The following P2RY14 variants were observed in gnomAD, a reference collection of about 807,000 sequenced individuals.
P2RY14 encodes purinergic receptor P2Y14, also known as P2Y purinoceptor 14.
P2RY14 carries 2 observed loss-of-function variants against 0.9 expected under a neutral mutation model. That is an observed-to-expected ratio of 2.16 (90% CI 0.88 to 6.79). P2RY14 has a LOEUF of 6.79. Among genes scored for constraint, P2RY14 ranks in the 30% most tolerant of loss-of-function variants. The pLI, the probability that P2RY14 is intolerant of heterozygous loss-of-function variation, is 0.05. For missense variants in P2RY14, 378 were observed against 400.1 expected (o/e 0.94, Z 0.47); for synonymous variants, 158 against 147.2 (o/e 1.07, Z -0.53).
chr3:151,271,891 G>A (rs1231913080), intron 1 of P2RY14, among the ~76,000 whole-genome samples: 2 of 152,164 alleles, frequency 1.3e-5, no homozygotes, highest in African/African-American at 2.4e-5. Flanking sequence ...TGAAATTTTT[G>A]TGATGGAAAT....
intron 1 of P2RY14, among the ~76,000 whole-genome samples, chr3:151,263,260 C>T (rs1739235436): frequency 1.3e-5 from 2 of 152,136 alleles, no homozygotes; most frequent in Non-Finnish European, 2.9e-5. Context: ...GTCATCAGCA[C>T]GTGAAACTGC....
chr3:151,214,161 G>A lies in P2RY14; in HGVS notation c.156C>T (p.Ser52=), dbSNP rs192199993. ...TGAGATAGATGATGAAACTCTTAGA[G>A]CTGGGCACGTAAAAGAATATCCATC... ...VSGWIFFYVP[S]SKSFIIYLKN... is the part of the protein sequence containing the mutation. Residue 52 remains serine (S), a synonymous_variant, in exon 3 of 3, where the codon AGC becomes AGT. Transcript: ENST00000309170. The A allele has an allele frequency of 1.7e-5, 27 of 1,614,118 alleles. No homozygotes were observed. The Admixed American group carries it at 3.7e-4, about 22-fold the overall frequency.
Position 151,253,483 on chromosome 3 carries a change from C to G in P2RY14, c.-133+24804G>C, listed in dbSNP as rs944691397. 3.3e-5 allele frequency among the ~76,000 whole-genome samples: 5 copies of G among 152,322 alleles called. No individual in the cohort carries two copies. The South Asian group carries it at 8.3e-4, about 25-fold the overall frequency. The stretch of plus-strand genomic sequence containing the variant: ...CCGTTTCCTAAGCCTGGCATGGGCC[C>G]TCTTAAATTTCAACTTTAGTGGAGC... On this transcript the variant is annotated intron_variant, in intron 1 of 2. Coordinates refer to ENST00000309170, the MANE Select transcript of P2RY14 (RefSeq NM_014879.4).
chr3:151,213,116 TG>T lies in P2RY14; in HGVS notation c.*183del. The T allele has an allele frequency of 2.1e-6, 1 of 485,286 alleles. No individual in the cohort carries two copies. Among genetic ancestry groups the T allele is most frequent in the Non-Finnish European group, 3.6e-6 (1 of 277,938 alleles). 30.1% of individuals were successfully genotyped at this position (485,286 alleles called of 1,614,324 possible). ...AGGTCAGTATTAGAGAAATTACTGA[TG>T]GGTATGTTTTCTTTGATGTTACAAA... is the stretch of plus-strand genomic sequence containing the variant. On this transcript the variant is annotated 3_prime_UTR_variant, in exon 3 of 3. Transcript: ENST00000309170.
intron 1 of P2RY14, among the ~76,000 whole-genome samples, chr3:151,243,464 A>T (rs1330325478): frequency 2.0e-5 from 3 of 152,198 alleles, no homozygotes; most frequent in Non-Finnish European, 4.4e-5. Flanking sequence ...CCAATATTCA[A>T]CATTCTTAAA....
chr3:151,238,217 G>T (rs1488043539), intron 1 of P2RY14, among the ~76,000 whole-genome samples: 1 of 151,908 alleles, frequency 6.6e-6, no homozygotes, highest in African/African-American at 2.4e-5. Context: ...CACTATCTTG[G>T]CTCACTGCAT....
At position 151,213,775 on chromosome 3, in the gene P2RY14, C is replaced by G; in HGVS notation, c.542G>C (p.Arg181Pro). The G allele has an allele frequency of 6.2e-7, 1 of 1,614,134 alleles. No individual in the cohort carries two copies. Among genetic ancestry groups the G allele is most frequent in the Non-Finnish European group, 8.5e-7 (1 of 1,180,010 alleles). Residue 181 changes from arginine to proline, a missense_variant, in exon 3 of 3, where the codon CGG becomes CCG. Transcript: ENST00000309170. ...GTAGTTTGATGCTTTGTGCCACTTC[C>G]GTCCCAGTTCACTTTTCAGTTCTAT... Reference protein sequence around the residue: ...KCIELKSELGRKWHKASNYIF... With the variant: ...KCIELKSELGPKWHKASNYIF...
chr3:151,234,850 T>C (rs542656352), intron 1 of P2RY14, among the ~76,000 whole-genome samples: 3 of 152,298 alleles, frequency 2.0e-5, no homozygotes, highest in East Asian at 3.9e-4. Context: ...TCACCATCAC[T>C]CTCCTGGTGG....
chr3:151,240,580 A>G lies in P2RY14; in HGVS notation c.-132-20938T>C, dbSNP rs183695838. Reference sequence around the variant, plus strand: ...AAAACAAAACAAAAGGTGTAGCTCAAGATCATGGCAGATTCAAATCTAGTT... The same window carrying G: ...AAAACAAAACAAAAGGTGTAGCTCAGGATCATGGCAGATTCAAATCTAGTT... On this transcript the variant is annotated intron_variant, in intron 1 of 2. Coordinates refer to ENST00000309170, the MANE Select transcript of P2RY14 (RefSeq NM_014879.4). Among the ~76,000 whole-genome samples the G allele has an allele frequency of 1.1e-4, 17 of 152,360 alleles. No individual in the cohort carries two copies. In the East Asian group the frequency reaches 3.1e-3, roughly 28 times the overall value.
At chr3:151,244,710 A>G (rs1559929205) in intron 1 of P2RY14, among the ~76,000 whole-genome samples, 1 of 151,724 alleles carries the variant, frequency 6.6e-6, no homozygotes, top group Admixed American at 6.6e-5. Flanking sequence ...TAAAAGAACT[A>G]GAAAAGCAAG....
intron 1 of P2RY14, among the ~76,000 whole-genome samples, chr3:151,247,079 G>T (rs997429734): frequency 2.0e-5 from 3 of 152,196 alleles, no homozygotes; most frequent in Non-Finnish European, 2.9e-5. Flanking sequence ...TCTCACACCA[G>T]TTAGATTGGC....
chr3:151,249,694 G>A (rs988686486), intron 1 of P2RY14, among the ~76,000 whole-genome samples: 2 of 152,014 alleles, frequency 1.3e-5, no homozygotes, highest in African/African-American at 2.4e-5. Context: ...ATCATTCTTC[G>A]TATTACTCCT....
At chr3:151,238,978 T>A (rs1445090343) in intron 1 of P2RY14, among the ~76,000 whole-genome samples, 1 of 152,176 alleles carries the variant, frequency 6.6e-6, no homozygotes, top group African/African-American at 2.4e-5. Context: ...CTGAATGAAC[T>A]GAGAGACAAT....
At chr3:151,247,683 G>T (rs1198805145) in intron 1 of P2RY14, among the ~76,000 whole-genome samples, 1 of 147,066 alleles carries the variant, frequency 6.8e-6, no homozygotes, top group African/African-American at 2.5e-5. Context: ...AGTGGGTGCA[G>T]TGCACCAGCA....
chr3:151,230,081 C>T (rs368932754), intron 1 of P2RY14, among the ~76,000 whole-genome samples: 8 of 151,670 alleles, frequency 5.3e-5, no homozygotes, highest in South Asian at 2.1e-4. Flanking sequence ...GCCATTCTCC[C>T]GCCTCTGCCT....
At chr3:151,264,717 A>G (rs1223532843) in intron 1 of P2RY14, among the ~76,000 whole-genome samples, 1 of 152,188 alleles carries the variant, frequency 6.6e-6, no homozygotes, top group East Asian at 1.9e-4. Context: ...AAGGAGCTCT[A>G]AAAACACAAA....
chr3:151,235,487 T>C (rs1339406190), intron 1 of P2RY14, among the ~76,000 whole-genome samples: 2 of 152,082 alleles, frequency 1.3e-5, no homozygotes, highest in East Asian at 3.9e-4. Context: ...GGGCAGATCA[T>C]GAGGTCAGGA....
At chr3:151,269,490 A>T (rs765814858) in intron 1 of P2RY14, 5 of 290,898 alleles carry the variant, frequency 1.7e-5, no homozygotes, top group Admixed American at 4.5e-5. Context: ...GTGAAAGCAG[A>T]ACAGAAGTAT....
rs550268827 is a variant in P2RY14 at position 151,250,692 on chromosome 3, A to G, written c.-133+27595T>C. On this transcript the variant is annotated intron_variant, in intron 1 of 2. Coordinates refer to ENST00000309170, the MANE Select transcript of P2RY14 (RefSeq NM_014879.4). The stretch of plus-strand genomic sequence containing the variant: ...TGTCCATAGTCCTTGGGTAGCATCC[A>G]CCTTTTGGCTATTGTGAACAATGCT... Among the ~76,000 whole-genome samples, 11 of 152,288 alleles carry G rather than the reference A, an allele frequency of 7.2e-5. No individual in the cohort carries two copies. The South Asian group carries it at 2.1e-3, about 29-fold the overall frequency.
Sources: allele counts gnomAD v4.1 joint callset (sites outside exome capture counted in the v4.1 genomes callset), GRCh38; gene constraint gnomAD v4.1.1; transcripts MANE v1.5; gene names NCBI Gene and HGNC (gene_info 2026-07-23, HGNC 2026-07-21).